CAMTA2: variants seen among roughly 807,000 people sequenced by gnomAD.
CAMTA2 encodes the protein calmodulin binding transcription activator 2.
A neutral mutation model predicts 135.7 loss-of-function variants in CAMTA2; 56 were observed. That is an observed-to-expected ratio of 0.41 (90% CI 0.33 to 0.52). CAMTA2 has a LOEUF of 0.52. Ranked by LOEUF, CAMTA2 falls within the 20% of genes least tolerant of loss-of-function variation. The probability of loss-of-function intolerance (pLI) is 0.16; values close to 1 mark genes in which losing one functional copy is unlikely to be tolerated. For synonymous variants in CAMTA2, 591 were observed against 604.6 expected (o/e 0.98, Z 0.33); for missense variants, 1,358 against 1,553.4 (o/e 0.87, Z 2.11).
intron 3 of CAMTA2, among the ~76,000 whole-genome samples, chr17:4,985,648 TC>T (rs1402098245): frequency 6.6e-6 from 1 of 152,176 alleles, no homozygotes; most frequent in Non-Finnish European, 1.5e-5. Context: ...GGTCTTGAAC[TC>T]CTGACCTCAG....
chr17:4,983,123 C>A, intron 3 of CAMTA2, 80 bp from the exon 4 acceptor site: 1 of 1,219,434 alleles, frequency 8.2e-7, no homozygotes, highest in South Asian at 1.2e-5. Context: ...CTGTCAGTGT[C>A]TCACTCTCTG....
At position 4,977,115 on chromosome 17, in the gene CAMTA2, G is replaced by C. The variant is rs1972663055; in HGVS notation, c.1843C>G (p.Arg615Gly). 10 of 1,613,936 alleles carry C rather than the reference G, an allele frequency of 6.2e-6. No individual in the cohort carries two copies. The highest frequency in any genetic ancestry group is 7.6e-6 in the Non-Finnish European group (9 of 1,180,006). ...GGCAGAGACAGGAATCGGCGGGCTC[G>C]ATACTCAAAGAGCACAGAAGCAGAA... ...PLSASVLFEY[R>G]ARRFLSLPST... Residue 615 changes from arginine (R) to glycine (G), a missense_variant, in exon 11 of 23, where the codon CGA (arginine) becomes GGA (glycine). Arg to Gly is a moderately radical substitution (Grantham distance 125). Transcript: ENST00000348066.
At position 4,978,594 on chromosome 17, in the gene CAMTA2, C is replaced by T. The variant is rs199993069; in HGVS notation, c.1675G>A (p.Glu559Lys). 88 of 1,614,104 alleles carry T rather than the reference C, an allele frequency of 5.5e-5. No homozygotes were observed. The highest frequency in any genetic ancestry group is 2.7e-4 in the African/African-American group (20 of 75,052). The change falls in exon 10 of 23, where the codon GAA (glutamate) becomes AAA (lysine). Residue 559 changes from glutamate (E) to lysine (K), a missense_variant. Glu to Lys is a moderately conservative substitution (Grantham distance 56, BLOSUM62 1). Coordinates refer to ENST00000348066, the MANE Select transcript of CAMTA2 (RefSeq NM_015099.4). ...ACACAGGAGTAATGCTCGGCGGCTT[C>T]GGTCCAAGGACCTGTGATGAGCACC... ...VKVLITGPWT[E>K]AAEHYSCVFD...
At chr17:4,986,731 G>A in intron 1 of CAMTA2, 2 of 555,686 alleles carry the variant, frequency 3.6e-6, no homozygotes, top group East Asian at 3.3e-5. Flanking sequence ...TAGAAGACAC[G>A]CCCTGAGTTC....
At position 4,985,866 on chromosome 17, in the gene CAMTA2, C is replaced by T. The variant is rs1973245815; in HGVS notation, c.135+14G>A. ...GGTCTTGCTGGGCCCCAACCCCCAG[C>T]CTCCCTAGAAAACCTCATTTGTATT... On this transcript the variant is annotated intron_variant, in intron 3 of 22. Transcript: ENST00000348066. 2 of 1,592,522 alleles carry T rather than the reference C, an allele frequency of 1.3e-6. No homozygotes were observed. The highest frequency in any genetic ancestry group is 1.7e-6 in the Non-Finnish European group (2 of 1,160,774).
Position 4,980,536 on chromosome 17 carries a change from G to C in CAMTA2, c.786C>G (p.Thr262=). Reference sequence around the variant, plus strand: ...CTGGGGGGTGAGCGTGGGGGATAGAGGTCAGGGTTAAAGCTCGGGGCTCCA... The same window carrying C: ...CTGGGGGGTGAGCGTGGGGGATAGACGTCAGGGTTAAAGCTCGGGGCTCCA... ...PKVEPRALTL[T]SIPHAHPPEP... is the part of the protein sequence containing the mutation. The change falls in exon 9 of 23, where the codon ACC becomes ACG. Residue 262 remains threonine (T), a synonymous_variant. Transcript: ENST00000348066. This position sits in a 1 kb window ranked among gnomAD's most constrained non-coding sequence, Gnocchi z 5.3. The C allele has an allele frequency of 7.4e-6, 12 of 1,613,698 alleles. No homozygotes were observed. Among genetic ancestry groups the C allele is most frequent in the Middle Eastern group, 3.3e-4 (2 of 6,062 alleles).
chr17:4,981,147 A>G, intron 8 of CAMTA2, 78 bp downstream of exon 8: 2 of 1,523,664 alleles, frequency 1.3e-6, no homozygotes, highest in Non-Finnish European at 1.8e-6. Flanking sequence ...AATCCCATCA[A>G]GATGGATATC....
At chr17:4,982,535 A>G (rs1029153790) in intron 5 of CAMTA2, among the ~76,000 whole-genome samples, 1 of 152,224 alleles carries the variant, frequency 6.6e-6, no homozygotes, top group Admixed American at 6.5e-5. Flanking sequence ...GTGTTCTGGA[A>G]GGGAGGCATG....
At position 4,986,155 on chromosome 17, in the gene CAMTA2, G is replaced by T. The variant is rs766421937; in HGVS notation, c.31+37C>A. 13 of 1,270,470 alleles carry T rather than the reference G, an allele frequency of 1.0e-5. No homozygotes were observed. The South Asian group carries it at 1.5e-4, about 15-fold the overall frequency. 78.7% of individuals were successfully genotyped at this position (1,270,470 alleles called of 1,614,324 possible). A position where few individuals can be genotyped will look rare whatever the true frequency, so the allele number is the denominator to read the frequency against. On this transcript the variant is annotated intron_variant, in intron 2 of 22. Transcript: ENST00000348066. Reference sequence around the variant, plus strand: ...CACTAAAGCGTGGGGAGAACGAAAGGCTGTGGCCACATTGGGAACCTGGTT... The same window carrying T: ...CACTAAAGCGTGGGGAGAACGAAAGTCTGTGGCCACATTGGGAACCTGGTT...
At position 4,980,424 on chromosome 17, in the gene CAMTA2, CTGA is replaced by C. The variant is rs1174678459; in HGVS notation, c.895_897del (p.Ser299del). 1 of 1,612,262 alleles carries C rather than the reference CTGA, an allele frequency of 6.2e-7. No homozygotes were observed. The highest frequency in any genetic ancestry group is 1.7e-5 in the Admixed American group (1 of 59,668). Reference sequence around the variant, plus strand: ...CTGATTTCTAGGGGCTCTGCAAAACCTGATGAGGAGGAAGAAGAGGAAGAAGAT... The same window carrying C: ...CTGATTTCTAGGGGCTCTGCAAAACCTGAGGAGGAAGAAGAGGAAGAAGAT... On this transcript the variant is annotated inframe_deletion, in exon 9 of 23. Transcript: ENST00000348066. This position sits in a 1 kb window ranked among gnomAD's most constrained non-coding sequence, Gnocchi z 5.3.
rs1972498079 is a variant in CAMTA2 at position 4,974,486 on chromosome 17, T to C, written c.1915A>G (p.Met639Val). 1 of 1,612,520 alleles carries C rather than the reference T, an allele frequency of 6.2e-7. No individual in the cohort carries two copies. The highest frequency in any genetic ancestry group is 8.5e-7 in the Non-Finnish European group (1 of 1,178,562). Reference sequence around the variant, plus strand: ...TGCTCCAGTCGCTCTAGTATGGACATCCGGAACTGGTTGTCTGAGGGGGAA... The same window carrying C: ...TGCTCCAGTCGCTCTAGTATGGACACCCGGAACTGGTTGTCTGAGGGGGAA... ...WLSLDDNQFR[M>V]SILERLEQME... The change falls in exon 12 of 23, where the codon ATG becomes GTG. Residue 639 changes from methionine to valine, a missense_variant. Around this residue, in one of 4 missense-constraint regions of CAMTA2, gnomAD observed 1,077 missense variants for 1,127.5 expected, o/e 0.96. Coordinates refer to ENST00000348066, the MANE Select transcript of CAMTA2 (RefSeq NM_015099.4).
In CAMTA2 at chr17:4,987,628, A is replaced by G; in HGVS notation, c.-100T>C. On this transcript the variant is annotated 5_prime_UTR_variant, in exon 1 of 23. An upstream start codon of the reference 5' UTR is lost. Transcript: ENST00000348066. ...CCCGCGGGTGACGGCGGCAGCGGCC[A>G]TTCTACCCCACACCGACCCCCCCCA... 6.5e-7 allele frequency: 1 copy of G among 1,527,468 alleles called. No individual in the cohort carries two copies. Among genetic ancestry groups the G allele is most frequent in the Non-Finnish European group, 8.7e-7 (1 of 1,142,986 alleles). 94.6% of individuals were successfully genotyped at this position (1,527,468 alleles called of 1,614,324 possible). A position where few individuals can be genotyped will look rare whatever the true frequency, so the allele number is the denominator to read the frequency against.
At chr17:4,976,722 TAATA>T (rs1280802789) in intron 11 of CAMTA2, among the ~76,000 whole-genome samples, 4 of 152,144 alleles carry the variant, frequency 2.6e-5, no homozygotes, top group East Asian at 1.9e-4. Flanking sequence ...GAAAAATAAA[TAATA>T]AATAAGTACA....
intron 11 of CAMTA2, 49 bp downstream of exon 11, chr17:4,977,009 C>T (rs1242048601): frequency 1.2e-6 from 2 of 1,605,142 alleles, no homozygotes; most frequent in African/African-American, 1.3e-5. Context: ...GCATGTCATG[C>T]TTAAAGGCTG....
chr17:4,980,069 G>A lies in CAMTA2; in HGVS notation c.1253C>T (p.Ala418Val). 6.2e-7 allele frequency: 1 copy of A among 1,613,778 alleles called. No homozygotes were observed. Reference protein sequence around the residue: ...TPCSALEPAAALEPQAAARGP... With the variant: ...TPCSALEPAAVLEPQAAARGP... ...CCGAGCAGCTGCCTGGGGCTCCAGG[G>A]CAGCAGCAGGCTCTAGGGCAGAACA... Residue 418 changes from alanine (A) to valine (V), a missense_variant, in exon 9 of 23, where the codon GCC becomes GTC. By Grantham distance (64) the Ala-to-Val change is moderately conservative. Coordinates refer to ENST00000348066, the MANE Select transcript of CAMTA2 (RefSeq NM_015099.4). This position sits in a 1 kb window ranked among gnomAD's most constrained non-coding sequence, Gnocchi z 5.3.
intron 14 of CAMTA2, 34 bp downstream of exon 14, chr17:4,973,141 G>A (rs749299532): frequency 1.3e-6 from 2 of 1,584,136 alleles, no homozygotes; most frequent in Non-Finnish European, 1.7e-6. Context: ...ATTGCTCCCT[G>A]CCCCATATGC....
At chr17:4,986,326 C>T (rs1458744008) in intron 1 of CAMTA2, 40 bp from the exon 2 acceptor site, 2 of 797,632 alleles carry the variant, frequency 2.5e-6, no homozygotes, top group Non-Finnish European at 4.2e-6. Flanking sequence ...GAAGCCCCCA[C>T]ATTAATCCAG....
intron 3 of CAMTA2, among the ~76,000 whole-genome samples, chr17:4,984,432 T>C (rs184472194): frequency 3.3e-5 from 5 of 152,252 alleles, no homozygotes; most frequent in Admixed American, 2.0e-4. Flanking sequence ...GCAGGTACCA[T>C]GTGCACACCT....
At position 4,980,115 on chromosome 17, in the gene CAMTA2, C is replaced by T; in HGVS notation, c.1207G>A (p.Ala403Thr). ...GQGVSPDFPEAEAAHTPCSAL... is the reference protein window; with the variant it reads ...GQGVSPDFPETEAAHTPCSAL... ...GAACAGGGGGTATGAGCGGCCTCTG[C>T]CTCGGGGAAGTCTGGGCTTACTCCC... The change falls in exon 9 of 23, where the codon GCA becomes ACA. Residue 403 changes from alanine to threonine, a missense_variant. Transcript: ENST00000348066. The surrounding 1 kb of genome is among the most constrained non-coding windows in gnomAD (Gnocchi z 5.3). 1 of 1,607,556 alleles carries T rather than the reference C, an allele frequency of 6.2e-7. No individual in the cohort carries two copies. Among genetic ancestry groups the T allele is most frequent in the East Asian group, 2.2e-5 (1 of 44,810 alleles).
Sources: allele counts gnomAD v4.1 joint callset (sites outside exome capture counted in the v4.1 genomes callset), GRCh38; gene constraint gnomAD v4.1.1; regional missense constraint gnomAD v4.1.1; non-coding constraint Gnocchi (gnomAD v3.1); transcripts MANE v1.5; gene names NCBI Gene and HGNC (gene_info 2026-07-23, HGNC 2026-07-21).